FSIP2: variants seen among roughly 807,000 people sequenced by gnomAD.
FSIP2 encodes the protein fibrous sheath interacting protein 2.
Under a neutral mutation model 510.5 loss-of-function variants are expected in FSIP2, and 367 were observed. The observed-to-expected ratio is 0.72, with a 90% CI of 0.66 to 0.78. The LOEUF is 0.78. Among genes scored for constraint, FSIP2 ranks in the 30% least tolerant of loss-of-function variants. The pLI, the probability that FSIP2 is intolerant of heterozygous loss-of-function variation, is 0.00. For missense variants in FSIP2, 7,594 were observed against 7,901.7 expected, an observed-to-expected ratio of 0.96 and a Z score of 1.48; for synonymous variants, 2,601 against 2,732.2, an observed-to-expected ratio of 0.95 and a Z score of 1.50.
chr2:185,738,745 C>A (rs1233700643), upstream of FSIP2: 5 of 1,535,996 alleles, frequency 3.3e-6, no homozygotes, highest in Admixed American at 2.0e-5. Context: ...CCTTCTGGGG[C>A]CGCTACCATT....
Position 185,794,473 on chromosome 2 carries a change from AG to A in FSIP2, c.7338del (p.Lys2446AsnfsTer4), listed in dbSNP as rs1175655907. The A allele has an allele frequency of 6.0e-6, 9 of 1,511,422 alleles. No individual in the cohort carries two copies. Among genetic ancestry groups the A allele is most frequent in the Non-Finnish European group, 7.9e-6 (9 of 1,137,274 alleles). The allele number at this position is 1,511,422 out of a possible 1,614,324, so 93.6% of individuals were successfully genotyped here. ...ERSTKQSLFT[K>X]YPLEQNQMIL... ...AGTACCAAACAATCTCTATTTACAA[AG>A]TATCCATTAGAGCAAAACCAAATGA... On this transcript the variant is annotated frameshift_variant, in exon 16 of 23. Transcript: ENST00000424728. LOFTEE classifies it high-confidence loss of function.
intron 19 of FSIP2, among the ~76,000 whole-genome samples, chr2:185,821,067 A>C (rs1040170148): frequency 9.1e-6 from 1 of 109,950 alleles, no homozygotes; most frequent in African/African-American, 3.4e-5. Context: ...CTTTAGCTAG[A>C]TTGCCTAAGG....
In FSIP2 at chr2:185,802,204, C is replaced by A. The variant is rs367642829; in HGVS notation, c.12898C>A (p.Pro4300Thr). 1.6e-5 allele frequency: 24 copies of A among 1,533,470 alleles called. No homozygotes were observed. The Admixed American group carries it at 2.6e-4, about 16-fold the overall frequency. The allele number at this position is 1,533,470 out of a possible 1,614,324, so 95.0% of individuals were successfully genotyped here. A position where few individuals can be genotyped will look rare whatever the true frequency, so the allele number is the denominator to read the frequency against. Residue 4300 changes from proline (P) to threonine (T), a missense_variant, in exon 17 of 23, where the codon CCT becomes ACT. Coordinates refer to ENST00000424728, the MANE Select transcript of FSIP2 (RefSeq NM_173651.4). The stretch of plus-strand genomic sequence containing the variant: ...GTCACACAGACCTCAGAAGCAATCA[C>A]CTTTAGATATTCACCTTGATTCATT... ...IESHRPQKQSPLDIHLDSFVR... is the reference protein window; with the variant it reads ...IESHRPQKQSTLDIHLDSFVR...
At chr2:185,786,192 GA>G in intron 14 of FSIP2, 59 bp from the exon 15 acceptor site, 1 of 1,097,380 alleles carries the variant, frequency 9.1e-7, no homozygotes. Context: ...GAAATTTTGG[GA>G]AAAGTTTTAT....
In FSIP2 at chr2:185,753,860, A is replaced by T; in HGVS notation, c.991+18A>T. 1 of 1,428,212 alleles carries T rather than the reference A, an allele frequency of 7.0e-7. No individual in the cohort carries two copies. The highest frequency in any genetic ancestry group is 2.6e-5 in the East Asian group (1 of 38,406). 88.5% of individuals were successfully genotyped at this position (1,428,212 alleles called of 1,614,324 possible). The stretch of plus-strand genomic sequence containing the variant: ...AACACATGGTGAATGTGAGAACATT[A>T]AAAGATGATGTAGCTAAGTAGAAAA... On this transcript the variant is annotated intron_variant, in intron 8 of 22. Coordinates refer to ENST00000424728, the MANE Select transcript of FSIP2 (RefSeq NM_173651.4).
rs140953218 is a variant in FSIP2 at position 185,739,211 on chromosome 2, G to A, written c.100-135G>A. The A allele has an allele frequency of 7.4e-4, 862 of 1,157,294 alleles. 3 individuals carry two copies. The African/African-American group carries it at 0.011, about 15-fold the overall frequency. 71.7% of individuals were successfully genotyped at this position (1,157,294 alleles called of 1,614,324 possible). A position where few individuals can be genotyped will look rare whatever the true frequency, so the allele number is the denominator to read the frequency against. Reference sequence around the variant, plus strand: ...AGGAGAGCTGGTGACCAGGGAAAACGGGAGGACTTCAGGATGCCCCGAACC... The same window carrying A: ...AGGAGAGCTGGTGACCAGGGAAAACAGGAGGACTTCAGGATGCCCCGAACC... On this transcript the variant is annotated intron_variant, in intron 1 of 22. Transcript: ENST00000424728.
intron 7 of FSIP2, among the ~76,000 whole-genome samples, chr2:185,749,037 A>G (rs779055287): frequency 6.6e-6 from 1 of 151,970 alleles, no homozygotes; most frequent in Non-Finnish European, 1.5e-5. Context: ...TCTTTGACCT[A>G]TTTGTTTGAT....
chr2:185,798,580 A>G (rs1559031000), intron 16 of FSIP2, among the ~76,000 whole-genome samples: 1 of 151,818 alleles, frequency 6.6e-6, no homozygotes, highest in Admixed American at 6.6e-5. Context: ...TACATCACAC[A>G]TCATTCTAAT....
At chr2:185,813,451 C>A in intron 17 of FSIP2, 94 bp from the exon 18 acceptor site, 3 of 665,692 alleles carry the variant, frequency 4.5e-6, no homozygotes, top group South Asian at 4.1e-5. Context: ...TAAATCAAAA[C>A]TAGAAATTAT....
chr2:185,741,056 CACAA>C (rs1691913282), intron 2 of FSIP2, among the ~76,000 whole-genome samples: 1 of 152,112 alleles, frequency 6.6e-6, no homozygotes, highest in African/African-American at 2.4e-5. Context: ...GTCACATCCA[CACAA>C]ACTAACTTTG....
intron 13 of FSIP2, among the ~76,000 whole-genome samples, chr2:185,768,990 T>C (rs10192219): frequency 0.66 from 99,772 of 152,086 alleles, 33,049 homozygotes; most frequent in South Asian, 0.73. Flanking sequence ...CATAGTATTC[T>C]ATGGTATATA....
At chr2:185,762,310 A>T (rs1692369454) in intron 11 of FSIP2, among the ~76,000 whole-genome samples, 1 of 151,240 alleles carries the variant, frequency 6.6e-6, no homozygotes, top group Non-Finnish European at 1.5e-5. Flanking sequence ...AGATTGGAAT[A>T]CAAAGAACTA....
rs777165687 is a variant in FSIP2, at chr2:185,792,862, AC to A, written c.5727del (p.Asp1909GlufsTer6). On this transcript the variant is annotated frameshift_variant, in exon 16 of 23. Transcript: ENST00000424728. LOFTEE classifies it high-confidence loss of function. ...TTTCAGTCTAGATTCAGCGTTGCTGACAAGGAGACAAAGGTAAATCTAGCTG... is the reference window on the plus strand; with the variant it reads ...TTTCAGTCTAGATTCAGCGTTGCTGAAAGGAGACAAAGGTAAATCTAGCTG... ...CTFQSRFSVADKETKVNLAED... is the reference protein window; with the variant it reads ...CTFQSRFSVAXKETKVNLAED... 16 of 1,534,272 alleles carry A rather than the reference AC, an allele frequency of 1.0e-5. No homozygotes were observed. Among genetic ancestry groups the A allele is most frequent in the Non-Finnish European group, 1.4e-5 (16 of 1,145,754 alleles).
intron 14 of FSIP2, 124 bp downstream of exon 14, chr2:185,782,886 C>T (rs1332634357): frequency 1.1e-5 from 7 of 645,970 alleles, no homozygotes; most frequent in Non-Finnish European, 1.9e-5. Context: ...TTTAGTGAAA[C>T]TTAGTCTTTT....
At position 185,817,852 on chromosome 2, in the gene FSIP2, G is replaced by A. The variant is rs570325654; in HGVS notation, c.20426+2381G>A. 7.2e-5 allele frequency among the ~76,000 whole-genome samples: 11 copies of A among 151,972 alleles called. No individual in the cohort carries two copies. In the South Asian group the frequency reaches 1.5e-3, roughly 20 times the overall value. On this transcript the variant is annotated intron_variant, in intron 19 of 22. Transcript: ENST00000424728. ...GAACTAAGGAAATTAGTAAAAATAC[G>A]TATGAACAAAATTAAAATATTAACA...
chr2:185,761,232 A>AC (rs1186450307), intron 10 of FSIP2, 129 bp downstream of exon 10: 3 of 405,260 alleles, frequency 7.4e-6, no homozygotes, highest in African/African-American at 6.2e-5. Flanking sequence ...TATTCATGAA[A>AC]CATGATCCAT....
chr2:185,791,215 G>A lies in FSIP2; in HGVS notation c.4079G>A (p.Cys1360Tyr). 2 of 1,533,780 alleles carry A rather than the reference G, an allele frequency of 1.3e-6. No homozygotes were observed. Among genetic ancestry groups the A allele is most frequent in the Non-Finnish European group, 1.7e-6 (2 of 1,145,288 alleles). ...ATTTTGGCGAGTCCATTATTAACCTGTATTTATGATATGTTGTTATCAAGT... is the reference window on the plus strand; with the variant it reads ...ATTTTGGCGAGTCCATTATTAACCTATATTTATGATATGTTGTTATCAAGT... ...DDILASPLLT[C>Y]IYDMLLSSEN... is the part of the protein sequence containing the mutation. Residue 1360 changes from cysteine to tyrosine, a missense_variant, in exon 16 of 23, where the codon TGT becomes TAT. Physicochemically the swap from Cys to Tyr is radical, Grantham distance 194. Coordinates refer to ENST00000424728, the MANE Select transcript of FSIP2 (RefSeq NM_173651.4).
chr2:185,791,672 C>A lies in FSIP2; in HGVS notation c.4536C>A (p.Ile1512=). 6.5e-7 allele frequency: 1 copy of A among 1,534,168 alleles called. No homozygotes were observed. Among genetic ancestry groups the A allele is most frequent in the Admixed American group, 2.0e-5 (1 of 50,844 alleles). The change falls in exon 16 of 23, where the codon ATC becomes ATA. Residue 1512 remains isoleucine, a synonymous_variant. Transcript: ENST00000424728. ...TTGCAAGTTGTGGATTAAAAGCTATCTCAGAGTCTCTTGACATTGACAACC... is the reference window on the plus strand; with the variant it reads ...TTGCAAGTTGTGGATTAAAAGCTATATCAGAGTCTCTTGACATTGACAACC... The part of the protein sequence containing the change: ...TSFASCGLKA[I]SESLDIDNPS...
Position 185,805,053 on chromosome 2 carries a change from C to T in FSIP2, c.15747C>T (p.Asp5249=), listed in dbSNP as rs1041506059. ...FLHGEESSFS[D]LSDYDHVSEL... is the part of the protein sequence containing the mutation. ...ATGGTGAAGAATCATCTTTCAGTGA[C>T]TTATCTGATTATGACCATGTCTCTG... The change falls in exon 17 of 23, where the codon GAC becomes GAT. Residue 5249 remains aspartate, a synonymous_variant. Transcript: ENST00000424728. 14 of 1,600,448 alleles carry T rather than the reference C, an allele frequency of 8.7e-6. No individual in the cohort carries two copies. The highest frequency in any genetic ancestry group is 1.2e-5 in the Non-Finnish European group (14 of 1,175,988).
Sources: allele counts gnomAD v4.1 joint callset (sites outside exome capture counted in the v4.1 genomes callset), GRCh38; gene constraint gnomAD v4.1.1; transcripts MANE v1.5; gene names NCBI Gene and HGNC (gene_info 2026-07-23, HGNC 2026-07-21).